Variants in CMIP observed in about 807,000 individuals in gnomAD.
CMIP encodes C-Maf-inducing protein.
Under a neutral mutation model 97.3 loss-of-function variants are expected in CMIP, and 13 were observed. The observed-to-expected ratio is 0.13, with a 90% CI of 0.09 to 0.21. CMIP has a LOEUF of 0.21. Among genes scored for constraint, CMIP ranks in the 10% least tolerant of loss-of-function variants. CMIP has a pLI of 1.00. For missense variants in CMIP, 847 were observed against 1,024.9 expected, an observed-to-expected ratio of 0.83 and a Z score of 2.37; for synonymous variants, 538 against 436.3, an observed-to-expected ratio of 1.23 and a Z score of -2.91.
intron 1 of CMIP, chr16:81,465,007 C>G (rs1242620415): frequency 6.6e-6 from 1 of 152,206 alleles, no homozygotes; most frequent in Non-Finnish European, 1.5e-5. Flanking sequence ...GGGTAACGCT[C>G]CTGTGAACAT....
chr16:81,677,121 G>A (rs1480492688), intron 9 of CMIP, among the ~76,000 whole-genome samples: 6 of 152,124 alleles, frequency 3.9e-5, no homozygotes, highest in Admixed American at 6.6e-5. Flanking sequence ...CAGGGGTGGA[G>A]AGCTTTGGTT....
chr16:81,663,519 G>A (rs2092569994), intron 6 of CMIP, among the ~76,000 whole-genome samples: 1 of 152,170 alleles, frequency 6.6e-6, no homozygotes, highest in Non-Finnish European at 1.5e-5. Flanking sequence ...GATTTTTAGG[G>A]CGTGAAACGA....
chr16:81,530,680 G>T (rs1026747454), intron 1 of CMIP, among the ~76,000 whole-genome samples: 1 of 152,128 alleles, frequency 6.6e-6, no homozygotes, highest in Non-Finnish European at 1.5e-5. Context: ...GTGCCCGCGT[G>T]GCTGCTACCT....
intron 3 of CMIP, among the ~76,000 whole-genome samples, chr16:81,647,635 AC>A (rs2092378540): frequency 6.6e-6 from 1 of 152,078 alleles, no homozygotes; most frequent in East Asian, 1.9e-4. Flanking sequence ...CAGCAGGAAG[AC>A]CATATTGCAA....
intron 1 of CMIP, among the ~76,000 whole-genome samples, chr16:81,531,208 G>T (rs990954339): frequency 2.6e-5 from 4 of 152,160 alleles, no homozygotes; most frequent in African/African-American, 7.2e-5. Context: ...GACACAGAGA[G>T]ACACACAGGG....
chr16:81,659,401 G>T (rs1250887381), intron 5 of CMIP, among the ~76,000 whole-genome samples: 1 of 152,164 alleles, frequency 6.6e-6, no homozygotes, highest in Non-Finnish European at 1.5e-5. Flanking sequence ...ACCTCTGTCA[G>T]GGAGGGTCCT....
chr16:81,695,414 A>G (rs527559115), intron 13 of CMIP: 38 of 152,380 alleles, frequency 2.5e-4, no homozygotes, highest in African/African-American at 8.9e-4. Context: ...AGAGGGAAAA[A>G]TAAAAGCCAC....
At chr16:81,522,579 G>A (rs995968612) in intron 1 of CMIP, among the ~76,000 whole-genome samples, 4 of 152,236 alleles carry the variant, frequency 2.6e-5, no homozygotes, top group Non-Finnish European at 4.4e-5. Context: ...CAATCAGTAG[G>A]ACATGTGGCT....
rs899455696 is a variant in CMIP at position 81,453,654 on chromosome 16, C to T, written c.300+8113C>T. ...CGGGTATGGAAGGGGCTGTGTGTTCCCCAGGCAGGCTAGCTGCCGTAACAC... is the reference window on the plus strand; with the variant it reads ...CGGGTATGGAAGGGGCTGTGTGTTCTCCAGGCAGGCTAGCTGCCGTAACAC... On this transcript the variant is annotated intron_variant, in intron 1 of 20. Coordinates refer to ENST00000537098, the MANE Select transcript of CMIP (RefSeq NM_198390.3). This position sits in a 1 kb window ranked among gnomAD's most constrained non-coding sequence, Gnocchi z 4.0. Among the ~76,000 whole-genome samples, 9 of 152,202 alleles carry T rather than the reference C, an allele frequency of 5.9e-5. No individual in the cohort carries two copies. The highest frequency in any genetic ancestry group is 1.0e-4 in the Non-Finnish European group (7 of 68,042).
intron 1 of CMIP, among the ~76,000 whole-genome samples, chr16:81,551,701 A>G (rs528417355): frequency 6.6e-6 from 1 of 152,312 alleles, no homozygotes; most frequent in South Asian, 2.1e-4. Flanking sequence ...AACTTCCCCC[A>G]TCCAAGGTGG....
At chr16:81,492,932 C>T (rs940286492) in intron 1 of CMIP, among the ~76,000 whole-genome samples, 15 of 151,858 alleles carry the variant, frequency 9.9e-5, no homozygotes, top group African/African-American at 3.1e-4. Context: ...AGGGAGCGGC[C>T]GAAGAGGAGG....
chr16:81,675,797 C>T (rs1396858194), intron 9 of CMIP, among the ~76,000 whole-genome samples: 2 of 152,186 alleles, frequency 1.3e-5, no homozygotes, highest in African/African-American at 4.8e-5. Context: ...GCTTCTCAAA[C>T]CTCCTGGTGC....
intron 3 of CMIP, among the ~76,000 whole-genome samples, chr16:81,632,783 G>C (rs1225847165): frequency 6.6e-6 from 1 of 152,174 alleles, no homozygotes; most frequent in African/African-American, 2.4e-5. Context: ...CTGGGTCACC[G>C]AGCCTTCCCT....
chr16:81,646,351 T>C (rs2092364896), intron 3 of CMIP, among the ~76,000 whole-genome samples: 2 of 152,016 alleles, frequency 1.3e-5, no homozygotes, highest in Admixed American at 1.3e-4. Context: ...GATGGGTGGA[T>C]GGATGAAGTA....
intron 1 of CMIP, among the ~76,000 whole-genome samples, chr16:81,512,399 C>T (rs1363517830): frequency 2.0e-5 from 3 of 152,188 alleles, no homozygotes; most frequent in Middle Eastern, 3.2e-3. Flanking sequence ...TTCCAGTGGG[C>T]ACCAGCAATC....
rs567433588 is a variant in CMIP, at chr16:81,627,816, C to A, written c.477+6890C>A. On this transcript the variant is annotated intron_variant, in intron 3 of 20. Transcript: ENST00000537098. This position sits in a 1 kb window ranked among gnomAD's most constrained non-coding sequence, Gnocchi z 4.6. ...CACCTCATGAGTGGCTGCGGCGCCT[C>A]GGGAATGAGTCTGTTCCATGTTCTG... Among the ~76,000 whole-genome samples, 1 of 152,124 alleles carries A rather than the reference C, an allele frequency of 6.6e-6. No homozygotes were observed. The highest frequency in any genetic ancestry group is 1.5e-5 in the Non-Finnish European group (1 of 68,008).
chr16:81,604,199 GC>G (rs201419299), intron 1 of CMIP, among the ~76,000 whole-genome samples: 2,699 of 151,722 alleles, frequency 0.018, 44 homozygotes, highest in Non-Finnish European at 0.028. Flanking sequence ...TTCGAGACCA[GC>G]CTGGCCAACA....
intron 1 of CMIP, among the ~76,000 whole-genome samples, chr16:81,515,962 C>T (rs909176721): frequency 6.6e-6 from 1 of 152,226 alleles, no homozygotes; most frequent in Non-Finnish European, 1.5e-5. Context: ...ACCCTATGGC[C>T]TGTCCTCTGT....
chr16:81,697,033 T>G (rs1906810809), intron 14 of CMIP: 1 of 250,698 alleles, frequency 4.0e-6, no homozygotes, highest in Admixed American at 5.0e-5. Flanking sequence ...AGAAATTGAG[T>G]GCCCAACGGG....
Sources: allele counts gnomAD v4.1 joint callset (sites outside exome capture counted in the v4.1 genomes callset), GRCh38; gene constraint gnomAD v4.1.1; non-coding constraint Gnocchi (gnomAD v3.1); transcripts MANE v1.5; gene names NCBI Gene and HGNC (gene_info 2026-07-23, HGNC 2026-07-21).